The following BLTP1 variants were observed in gnomAD, a reference collection of about 807,000 sequenced individuals.
BLTP1 encodes the protein bridge-like lipid transfer protein family member 1.
the BLTP1 span, among the ~76,000 whole-genome samples, chr4:122,287,368 G>T: frequency 6.6e-6 from 1 of 152,226 alleles, no homozygotes; most frequent in East Asian, 1.9e-4. Context: ...AAAGCATTTG[G>T]ACACATTTTT....
At chr4:122,328,375 A>C in the BLTP1 span, 1 of 1,591,502 alleles carries the variant, frequency 6.3e-7, no homozygotes, top group Middle Eastern at 1.7e-4. Context: ...ACCTTATTTT[A>C]AGATCATAAT....
the BLTP1 span, among the ~76,000 whole-genome samples, chr4:122,217,262 G>T: frequency 6.6e-6 from 1 of 151,934 alleles, no homozygotes; most frequent in African/African-American, 2.4e-5. Flanking sequence ...TAGCCTTGTA[G>T]TATATAGTTT....
chr4:122,165,293 A>T, the BLTP1 span, among the ~76,000 whole-genome samples: 4 of 151,614 alleles, frequency 2.6e-5, no homozygotes, highest in Non-Finnish European at 4.4e-5. Context: ...TCACTGTTCA[A>T]TTCCCACCTA....
At chr4:122,312,391 A>G in the BLTP1 span, among the ~76,000 whole-genome samples, 2 of 152,274 alleles carry the variant, frequency 1.3e-5, no homozygotes, top group African/African-American at 4.8e-5. Context: ...AAATCCTAAA[A>G]GTTTTCTTCT....
the BLTP1 span, chr4:122,348,516 C>T: frequency 6.8e-7 from 1 of 1,471,334 alleles, no homozygotes. Flanking sequence ...TGCTTTGTAA[C>T]TAGCTTGGCA....
At chr4:122,331,203 T>A in the BLTP1 span, 1 of 1,407,330 alleles carries the variant, frequency 7.1e-7, no homozygotes, top group Non-Finnish European at 9.3e-7. Flanking sequence ...AACTCACTCA[T>A]GTGAATTTAC....
At chr4:122,188,869 C>A in the BLTP1 span, 1 of 794,824 alleles carries the variant, frequency 1.3e-6, no homozygotes, top group Non-Finnish European at 1.5e-6. Context: ...CATGATTATT[C>A]CTTTTTAGTT....
the BLTP1 span, among the ~76,000 whole-genome samples, chr4:122,354,273 T>A: frequency 6.6e-6 from 1 of 152,310 alleles, no homozygotes; most frequent in Non-Finnish European, 1.5e-5. Context: ...GTTTATTACA[T>A]TGAGAAATAT....
At chr4:122,152,980 G>A in the BLTP1 span, 3 of 985,222 alleles carry the variant, frequency 3.0e-6, no homozygotes, top group Non-Finnish European at 2.4e-6. Context: ...TCGGTTGACC[G>A]AGGGCGGGGA....
At chr4:122,247,105 C>T in the BLTP1 span, 1 of 1,544,118 alleles carries the variant, frequency 6.5e-7, no homozygotes, top group Admixed American at 1.8e-5. Context: ...AATGTTTTCT[C>T]TGAACTGTAT....
At chr4:122,269,703 A>G in the BLTP1 span, 2 of 984,466 alleles carry the variant, frequency 2.0e-6, no homozygotes, top group Admixed American at 6.2e-5. Flanking sequence ...TCTTGTATGA[A>G]TATGTATAAC....
the BLTP1 span, chr4:122,249,426 GT>G: frequency 5.7e-6 from 9 of 1,580,160 alleles, no homozygotes; most frequent in Non-Finnish European, 7.7e-6. Context: ...AAATGTTTGT[GT>G]TTTTTAATGT....
At chr4:122,205,232 G>A in the BLTP1 span, among the ~76,000 whole-genome samples, 1 of 151,726 alleles carries the variant, frequency 6.6e-6, no homozygotes, top group Non-Finnish European at 1.5e-5. Flanking sequence ...AGTTTTACCT[G>A]TAATTTTCCT....
the BLTP1 span, among the ~76,000 whole-genome samples, chr4:122,311,900 T>C: frequency 6.6e-6 from 1 of 152,160 alleles, no homozygotes; most frequent in African/African-American, 2.4e-5. Context: ...ACCACAGGTA[T>C]TATGGGGAAG....
chr4:122,246,715 A>G, the BLTP1 span: 1 of 1,612,828 alleles, frequency 6.2e-7, no homozygotes, highest in South Asian at 1.1e-5. Flanking sequence ...CCTCAGTGGA[A>G]GAATCTCCAA....
At chr4:122,154,202 G>A in the BLTP1 span, 1,163 of 708,476 alleles carry the variant, frequency 1.6e-3, 7 homozygotes, top group African/African-American at 0.028. Context: ...TTGAGACGGA[G>A]TCTCGCTCTG....
At chr4:122,336,682 A>C in the BLTP1 span, 9 of 969,846 alleles carry the variant, frequency 9.3e-6, no homozygotes, top group African/African-American at 1.6e-4. Flanking sequence ...AGTGTTTGGT[A>C]TAGCAGCAGG....
chr4:122,358,892 A>T, the BLTP1 span, among the ~76,000 whole-genome samples: 19 of 152,282 alleles, frequency 1.2e-4, no homozygotes, highest in Non-Finnish European at 2.6e-4. Context: ...TACACTTTAT[A>T]TATAATTATT....
chr4:122,182,595 T>TA, the BLTP1 span: 1,148 of 957,110 alleles, frequency 1.2e-3, 1 homozygote, highest in Non-Finnish European at 1.3e-3. Flanking sequence ...CCTTGAGGAA[T>TA]AAGGCATTCA....
Sources: allele counts gnomAD v4.1 joint callset (sites outside exome capture counted in the v4.1 genomes callset), GRCh38; gene constraint gnomAD v4.1.1; transcripts MANE v1.5; gene names NCBI Gene and HGNC (gene_info 2026-07-23, HGNC 2026-07-21).